DLGAP2: variants seen among roughly 807,000 people sequenced by gnomAD.
DLGAP2 encodes the protein DLG associated protein 2.
Under a neutral mutation model 100.3 loss-of-function variants are expected in DLGAP2, and 26 were observed. The ratio of observed to expected loss-of-function variants is 0.26; its 90% CI spans 0.19 to 0.36. The LOEUF (loss-of-function observed/expected upper bound fraction) is 0.36, where lower values mean the gene tolerates loss of function less well. Among genes scored for constraint, DLGAP2 ranks in the 10% least tolerant of loss-of-function variants. The pLI, the probability that DLGAP2 is intolerant of heterozygous loss-of-function variation, is 1.00. For synonymous variants in DLGAP2, 886 were observed against 630.1 expected, an observed-to-expected ratio of 1.41 and a Z score of -6.08; for missense variants, 1,858 against 1,453.2, an observed-to-expected ratio of 1.28 and a Z score of -4.53.
intron 2 of DLGAP2, among the ~76,000 whole-genome samples, chr8:1,216,850 G>A (rs1019849044): frequency 6.6e-6 from 1 of 152,034 alleles, no homozygotes; most frequent in South Asian, 2.1e-4. Flanking sequence ...GTCTTAGTTG[G>A]GGGAAAGTAA....
intron 1 of DLGAP2, among the ~76,000 whole-genome samples, chr8:806,997 C>G (rs887831559): frequency 2.0e-5 from 3 of 152,196 alleles, no homozygotes; most frequent in Non-Finnish European, 2.9e-5. Flanking sequence ...CAAGCACGTG[C>G]TTTCACCCTG....
chr8:1,616,176 A>T (rs1034855796), intron 6 of DLGAP2, among the ~76,000 whole-genome samples: 1 of 152,204 alleles, frequency 6.6e-6, no homozygotes, highest in Non-Finnish European at 1.5e-5. Context: ...AGTAATTTGA[A>T]AATGAAACAG....
rs1403849493 is a variant in DLGAP2 at position 802,250 on chromosome 8, C to G, written c.18+64425C>G. Among the ~76,000 whole-genome samples the G allele has an allele frequency of 2.2e-4, 34 of 152,068 alleles. 1 individual carries two copies. Among genetic ancestry groups the G allele is most frequent in the Admixed American group, 1.3e-4 (2 of 15,280 alleles). ...GCCTGGGGAATGGTCTGCACTCCTC[C>G]TGGGCCCTCCGTCCTCACGGCCTGG... On this transcript the variant is annotated intron_variant, in intron 1 of 14. Coordinates refer to ENST00000637795, the MANE Select transcript of DLGAP2 (RefSeq NM_001346810.2).
Position 1,017,548 on chromosome 8 carries a change from A to G in DLGAP2, c.73+109582A>G, listed in dbSNP as rs868810124. On this transcript the variant is annotated intron_variant, in intron 2 of 14. Coordinates refer to ENST00000637795, the MANE Select transcript of DLGAP2 (RefSeq NM_001346810.2). The stretch of plus-strand genomic sequence containing the variant: ...CCACTGTGTGTGACCAGGACAGACG[A>G]TGCCTCCACTGTGTGTGTGACCAGG... Among the ~76,000 whole-genome samples the G allele has an allele frequency of 1.0e-2, 686 of 68,894 alleles. 32 individuals are homozygous for G. Among genetic ancestry groups the G allele is most frequent in the Middle Eastern group, 0.036 (4 of 112 alleles). 45.2% of individuals were successfully genotyped at this position (68,894 alleles called of 152,430 possible).
At chr8:1,012,495 C>T (rs947067833) in intron 2 of DLGAP2, among the ~76,000 whole-genome samples, 2 of 150,250 alleles carry the variant, frequency 1.3e-5, no homozygotes, top group Non-Finnish European at 3.0e-5. Flanking sequence ...CTGACCAGCC[C>T]CCCACTTCAG....
At chr8:1,310,810 A>T (rs944043179) in intron 3 of DLGAP2, among the ~76,000 whole-genome samples, 3 of 152,158 alleles carry the variant, frequency 2.0e-5, no homozygotes, top group Non-Finnish European at 4.4e-5. Context: ...GGCACCCACC[A>T]CCACACCCAG....
chr8:1,274,187 G>A (rs908493145), intron 3 of DLGAP2, among the ~76,000 whole-genome samples: 2 of 151,432 alleles, frequency 1.3e-5, no homozygotes, highest in African/African-American at 2.4e-5. Context: ...AATAAATTAT[G>A]TATTTATATT....
chr8:1,465,667 C>T (rs1260633056), intron 3 of DLGAP2, among the ~76,000 whole-genome samples: 2 of 152,238 alleles, frequency 1.3e-5, no homozygotes, highest in Admixed American at 6.5e-5. Flanking sequence ...GGAGACTCCA[C>T]TGGATGGGCG....
intron 2 of DLGAP2, among the ~76,000 whole-genome samples, chr8:1,204,724 G>A (rs1797953660): frequency 6.6e-6 from 1 of 152,192 alleles, no homozygotes; most frequent in African/African-American, 2.4e-5. Flanking sequence ...GAGGGATGGA[G>A]ATGGATGAGG....
chr8:1,390,009 GTGTC>G (rs1387344840), intron 3 of DLGAP2, among the ~76,000 whole-genome samples: 2 of 152,150 alleles, frequency 1.3e-5, no homozygotes, highest in East Asian at 3.9e-4. Context: ...CCCACGGAGT[GTGTC>G]TGGATGGATG....
intron 3 of DLGAP2, among the ~76,000 whole-genome samples, chr8:1,333,431 C>T (rs926007681): frequency 5.9e-5 from 9 of 152,188 alleles, no homozygotes; most frequent in African/African-American, 1.9e-4. Flanking sequence ...CAACTGTGAT[C>T]TCGTCCCTGA....
At chr8:1,189,696 G>A (rs1411389483) in intron 2 of DLGAP2, among the ~76,000 whole-genome samples, 1 of 151,892 alleles carries the variant, frequency 6.6e-6, no homozygotes. Flanking sequence ...CCCTCAGGAA[G>A]TTTACAGTTT....
At chr8:1,467,016 G>A (rs1348631211) in intron 3 of DLGAP2, among the ~76,000 whole-genome samples, 1 of 152,144 alleles carries the variant, frequency 6.6e-6, no homozygotes, top group African/African-American at 2.4e-5. Flanking sequence ...CAAGAAAGTG[G>A]GGGGGATGTG....
chr8:1,513,339 G>C (rs1205980598), intron 4 of DLGAP2, among the ~76,000 whole-genome samples: 1 of 151,778 alleles, frequency 6.6e-6, no homozygotes, highest in African/African-American at 2.4e-5. Flanking sequence ...CCACAGGCCA[G>C]CTCCAGGGAG....
At chr8:1,185,716 C>G (rs1797485925) in intron 2 of DLGAP2, among the ~76,000 whole-genome samples, 2 of 87,648 alleles carry the variant, frequency 2.3e-5, no homozygotes, top group African/African-American at 6.9e-5. Flanking sequence ...CACTCACACA[C>G]ACACACACAC....
chr8:1,044,009 C>A (rs139849510), intron 2 of DLGAP2, among the ~76,000 whole-genome samples: 1 of 152,042 alleles, frequency 6.6e-6, no homozygotes, highest in Non-Finnish European at 1.5e-5. Context: ...TCCCAAAGGA[C>A]GGAGCACAAA....
chr8:1,434,152 G>A (rs1228799316), intron 3 of DLGAP2, among the ~76,000 whole-genome samples: 6 of 152,112 alleles, frequency 3.9e-5, no homozygotes, highest in Non-Finnish European at 1.5e-5. Flanking sequence ...CGCATTGGAG[G>A]ATTAATATGA....
chr8:1,683,093 C>A (rs1272199011), intron 12 of DLGAP2, among the ~76,000 whole-genome samples: 1 of 151,534 alleles, frequency 6.6e-6, no homozygotes, highest in Admixed American at 6.6e-5. Context: ...AAGGACCTAA[C>A]TGATTACCTA....
chr8:1,239,831 C>CTCTTCTAGT (rs1798744485), intron 2 of DLGAP2, among the ~76,000 whole-genome samples: 1 of 53,010 alleles, frequency 1.9e-5, no homozygotes, highest in Non-Finnish European at 3.9e-5. Context: ...GTCTAGTTCT[C>CTCTTCTAGT]TCTCGCACAT....
Sources: allele counts gnomAD v4.1 joint callset (sites outside exome capture counted in the v4.1 genomes callset), GRCh38; gene constraint gnomAD v4.1.1; transcripts MANE v1.5; gene names NCBI Gene and HGNC (gene_info 2026-07-23, HGNC 2026-07-21).